CFAP299: variants seen among roughly 807,000 people sequenced by gnomAD.
CFAP299 encodes cilia and flagella associated protein 299.
A neutral mutation model predicts 27.0 loss-of-function variants in CFAP299; 21 were observed. That is an observed-to-expected ratio of 0.78 (90% confidence interval 0.55 to 1.12). The LOEUF is 1.12. Ranked by LOEUF, CFAP299 falls within the 50% of genes most tolerant of loss-of-function variation. The probability of loss-of-function intolerance (pLI) is 0.00; values close to 1 mark genes in which losing one functional copy is unlikely to be tolerated. For missense variants in CFAP299, 310 were observed against 276.6 expected, an observed-to-expected ratio of 1.12 and a Z score of -0.86; for synonymous variants, 104 against 98.1, an observed-to-expected ratio of 1.06 and a Z score of -0.36.
intron 3 of CFAP299, among the ~76,000 whole-genome samples, chr4:80,623,714 A>G (rs992860514): frequency 6.6e-6 from 1 of 152,124 alleles, no homozygotes; most frequent in Non-Finnish European, 1.5e-5. Context: ...TGAGCATATA[A>G]TTTGCCTTGG....
intron 3 of CFAP299, among the ~76,000 whole-genome samples, chr4:80,776,897 G>A (rs1397073579): frequency 2.0e-5 from 3 of 149,636 alleles, no homozygotes; most frequent in Non-Finnish European, 4.4e-5. Flanking sequence ...AACCCTCTGG[G>A]ACAACACAGT....
In CFAP299 at chr4:80,903,356, A is replaced by T. The variant is rs1560470193; in HGVS notation, c.476+33221A>T. ...AGGGAAAGGTTTACATCTATTTATT[A>T]TCAAGAAAAACAAATTTCTAGTTCT... is the stretch of plus-strand genomic sequence containing the variant. On this transcript the variant is annotated intron_variant, in intron 4 of 5. Coordinates refer to ENST00000358105, the MANE Select transcript of CFAP299 (RefSeq NM_152770.3). 2.0e-5 allele frequency among the ~76,000 whole-genome samples: 3 copies of T among 152,146 alleles called. No individual in the cohort carries two copies. The South Asian group carries it at 6.2e-4, about 31-fold the overall frequency.
intron 2 of CFAP299, among the ~76,000 whole-genome samples, chr4:80,426,797 A>G (rs1278788500): frequency 6.6e-6 from 1 of 152,234 alleles, no homozygotes; most frequent in African/African-American, 2.4e-5. Flanking sequence ...GAAAGTATCA[A>G]CAGCTTTAAG....
At chr4:80,591,060 A>C (rs1578642980) in intron 3 of CFAP299, among the ~76,000 whole-genome samples, 1 of 145,542 alleles carries the variant, frequency 6.9e-6, no homozygotes, top group African/African-American at 2.5e-5. Flanking sequence ...GAAATATTTT[A>C]TAGTCATACA....
At chr4:80,542,070 C>G (rs957488394) in intron 2 of CFAP299, among the ~76,000 whole-genome samples, 2 of 152,024 alleles carry the variant, frequency 1.3e-5, no homozygotes, top group Non-Finnish European at 2.9e-5. Context: ...CTCTCTAGTG[C>G]CTTGGCGCAT....
At chr4:80,362,947 T>C in intron 2 of CFAP299, 63 bp downstream of exon 2, 1 of 1,503,798 alleles carries the variant, frequency 6.6e-7, no homozygotes. Context: ...AGTAATTCAA[T>C]TTCGTTTGCA....
intron 2 of CFAP299, among the ~76,000 whole-genome samples, chr4:80,514,416 A>T (rs1732476183): frequency 3.9e-5 from 6 of 152,116 alleles, no homozygotes; most frequent in Admixed American, 2.6e-4. Flanking sequence ...GCATGATGGG[A>T]AAAGAGAAGG....
At chr4:80,486,611 C>T (rs1435778726) in intron 2 of CFAP299, among the ~76,000 whole-genome samples, 1 of 152,224 alleles carries the variant, frequency 6.6e-6, no homozygotes, top group African/African-American at 2.4e-5. Context: ...TGCCTTCTCT[C>T]ACCCCGTTAG....
At position 80,738,246 on chromosome 4, in the gene CFAP299, T is replaced by C. The variant is rs532055844; in HGVS notation, c.334-131747T>C. Among the ~76,000 whole-genome samples the C allele has an allele frequency of 3.3e-5, 5 of 152,318 alleles. No homozygotes were observed. The South Asian group carries it at 8.3e-4, about 25-fold the overall frequency. On this transcript the variant is annotated intron_variant, in intron 3 of 5. Coordinates refer to ENST00000358105, the MANE Select transcript of CFAP299 (RefSeq NM_152770.3). ...TCTGTAAATATCTAATAGGTACATT[T>C]GTTCTATAGTAAAGATAGTAATGTC...
intron 4 of CFAP299, among the ~76,000 whole-genome samples, chr4:80,938,478 T>A (rs1490173164): frequency 6.6e-6 from 1 of 152,208 alleles, no homozygotes; most frequent in Non-Finnish European, 1.5e-5. Context: ...CATCCCTTTG[T>A]TACCCATAAG....
chr4:80,466,031 A>G (rs1349568157), intron 2 of CFAP299, among the ~76,000 whole-genome samples: 1 of 152,370 alleles, frequency 6.6e-6, no homozygotes, highest in Non-Finnish European at 1.5e-5. Flanking sequence ...AGATCTTCAC[A>G]GAGGTCCAGA....
At chr4:80,724,873 T>A (rs1723056928) in intron 3 of CFAP299, among the ~76,000 whole-genome samples, 1 of 151,116 alleles carries the variant, frequency 6.6e-6, no homozygotes, top group Non-Finnish European at 1.5e-5. Context: ...CTTCCTTCTT[T>A]CCTTTCTTTT....
intron 3 of CFAP299, among the ~76,000 whole-genome samples, chr4:80,771,121 TGAG>T (rs1388782899): frequency 2.6e-5 from 4 of 152,162 alleles, no homozygotes; most frequent in African/African-American, 9.7e-5. Flanking sequence ...GCGGGCCGTT[TGAG>T]AATTCTGCCT....
chr4:80,877,910 T>C (rs760318626), intron 4 of CFAP299, among the ~76,000 whole-genome samples: 8 of 152,166 alleles, frequency 5.3e-5, no homozygotes, highest in Non-Finnish European at 8.8e-5. Flanking sequence ...TGTGTGTTTA[T>C]TTGTGTCTAT....
intron 3 of CFAP299, among the ~76,000 whole-genome samples, chr4:80,651,704 T>TTGTGTGTGTGTGTGTGTGTG (rs34460418): frequency 7.2e-5 from 10 of 139,552 alleles, no homozygotes; most frequent in African/African-American, 2.6e-4. Flanking sequence ...AGGTATGCAC[T>TTGTGTGTGTGTGTGTGTGTG]TGTGTGTGTG....
rs144106207 is a variant in CFAP299 at position 80,731,571 on chromosome 4, C to G, written c.334-138422C>G. 8.4e-3 allele frequency among the ~76,000 whole-genome samples: 1,274 copies of G among 152,312 alleles called. 11 individuals carry two copies. Among genetic ancestry groups the G allele is most frequent in the Non-Finnish European group, 0.01 (704 of 68,026 alleles). ...TTTCACTTAATCCCCTTATCACTGGCTGTTACCAGTGCAACTCCATCTGCT... is the reference window on the plus strand; with the variant it reads ...TTTCACTTAATCCCCTTATCACTGGGTGTTACCAGTGCAACTCCATCTGCT... On this transcript the variant is annotated intron_variant, in intron 3 of 5. Transcript: ENST00000358105.
chr4:80,737,990 A>G (rs938435623), intron 3 of CFAP299, among the ~76,000 whole-genome samples: 1 of 152,086 alleles, frequency 6.6e-6, no homozygotes, highest in Non-Finnish European at 1.5e-5. Flanking sequence ...TTGACTCTTT[A>G]GTCATTCAGG....
chr4:80,902,674 A>G (rs1425519883), intron 4 of CFAP299, among the ~76,000 whole-genome samples: 1 of 149,888 alleles, frequency 6.7e-6, no homozygotes, highest in Non-Finnish European at 1.5e-5. Context: ...AACCTTTGGT[A>G]AAGAAGAGAT....
chr4:80,634,895 A>G (rs1357043061), intron 3 of CFAP299, among the ~76,000 whole-genome samples: 2 of 152,158 alleles, frequency 1.3e-5, no homozygotes, highest in Non-Finnish European at 1.5e-5. Flanking sequence ...AGAATTTGCT[A>G]ACATGTAAAA....
Sources: gnomAD v4.1 joint callset for allele counts (sites outside exome capture counted in the v4.1 genomes callset) on GRCh38, gnomAD v4.1.1 for gene constraint, MANE v1.5 for transcripts, NCBI Gene and HGNC (gene_info 2026-07-23, HGNC 2026-07-21) for gene names.